The following ZNF254 variants were observed in gnomAD, a reference collection of about 807,000 sequenced individuals.
ZNF254 encodes the protein zinc finger protein 254.
In ZNF254, 10 loss-of-function variants were observed where a neutral mutation model predicts 12.4. That is an observed-to-expected ratio of 0.80 (90% CI 0.50 to 1.36). The LOEUF (loss-of-function observed/expected upper bound fraction) is 1.36. Ranked by LOEUF, ZNF254 falls within the 40% of genes most tolerant of loss-of-function variation. The pLI, the probability that ZNF254 is intolerant of heterozygous loss-of-function variation, is 0.00. For synonymous variants in ZNF254, 305 were observed against 253.4 expected (o/e 1.20, Z -1.93); for missense variants, 996 against 763.9 (o/e 1.30, Z -3.58).
intron 2 of ZNF254, among the ~76,000 whole-genome samples, chr19:24,067,428 A>G (rs1447732932): frequency 6.6e-6 from 1 of 151,978 alleles, no homozygotes. Flanking sequence ...AGTCCACAGT[A>G]GGAAATTTGA....
At chr19:24,120,756 G>A (rs988148603) in intron 3 of ZNF254, among the ~76,000 whole-genome samples, 8 of 151,882 alleles carry the variant, frequency 5.3e-5, no homozygotes, top group Non-Finnish European at 7.4e-5. Context: ...TCTGCCTCCC[G>A]GGTTCACGCC....
chr19:24,060,931 C>T (rs933560021), intron 2 of ZNF254, among the ~76,000 whole-genome samples: 2 of 152,094 alleles, frequency 1.3e-5, no homozygotes, highest in South Asian at 2.1e-4. Flanking sequence ...GCAACATATC[C>T]CTGAGCCCCT....
chr19:24,127,830 A>G lies in ZNF254; in HGVS notation c.1830A>G (p.Ala610=). ...KPYKCEECGK[A]FFWSSTLTKH... is the part of the protein sequence containing the mutation. ...ACAAATGTGAAGAATGTGGCAAAGC[A>G]TTTTTCTGGTCCTCAACCCTAACTA... is the stretch of plus-strand genomic sequence containing the variant. The change falls in exon 4 of 4, where the codon GCA becomes GCG. Residue 610 remains alanine, a synonymous_variant. Transcript: ENST00000357002. The G allele has an allele frequency of 6.2e-7, 1 of 1,612,720 alleles. No individual in the cohort carries two copies. Among genetic ancestry groups the G allele is most frequent in the Non-Finnish European group, 8.5e-7 (1 of 1,179,548 alleles).
chr19:24,093,940 G>T (rs1443186586), intron 1 of ZNF254, among the ~76,000 whole-genome samples: 1 of 151,958 alleles, frequency 6.6e-6, no homozygotes, highest in Non-Finnish European at 1.5e-5. Flanking sequence ...TTCCATTTGT[G>T]CCATTTCTGA....
intron 1 of ZNF254, among the ~76,000 whole-genome samples, chr19:24,044,855 ATG>A (rs141180549): frequency 0.029 from 4,446 of 152,250 alleles, 103 homozygotes; most frequent in African/African-American, 0.059. Flanking sequence ...ACATTCAGGG[ATG>A]TGGTCATAGA....
chr19:24,071,129 G>C (rs1046353730), intron 2 of ZNF254, among the ~76,000 whole-genome samples: 1 of 152,108 alleles, frequency 6.6e-6, no homozygotes, highest in African/African-American at 2.4e-5. Flanking sequence ...AGGGAGGGGA[G>C]CTCCAAAGCC....
At position 24,127,524 on chromosome 19, in the gene ZNF254, T is replaced by A; in HGVS notation, c.1524T>A (p.His508Gln). The change falls in exon 4 of 4, where the codon CAT (histidine) becomes CAA (glutamine). Residue 508 changes from histidine (H) to glutamine (Q), a missense_variant. Physicochemically the swap from His to Gln is conservative, Grantham distance 24. Coordinates refer to ENST00000357002, the MANE Select transcript of ZNF254 (RefSeq NM_203282.4). ...SFSQSSTLTT[H>Q]KIIHTGEKPY... is the part of the protein sequence containing the mutation. ...GCCAATCCTCAACCCTTACTACACA[T>A]AAGATAATTCATACTGGAGAGAAAC... 1 of 1,613,498 alleles carries A rather than the reference T, an allele frequency of 6.2e-7. No homozygotes were observed. The highest frequency in any genetic ancestry group is 1.7e-5 in the Admixed American group (1 of 59,966).
intron 1 of ZNF254, among the ~76,000 whole-genome samples, chr19:24,091,518 AGTT>A (rs1384886139): frequency 6.6e-6 from 1 of 151,986 alleles, no homozygotes; most frequent in Non-Finnish European, 1.5e-5. Context: ...TGAGATAAAG[AGTT>A]GCACTGCGAC....
At chr19:24,072,523 T>A (rs1486414854) in intron 2 of ZNF254, among the ~76,000 whole-genome samples, 2 of 152,174 alleles carry the variant, frequency 1.3e-5, no homozygotes, top group Admixed American at 6.5e-5. Flanking sequence ...GACATATTTC[T>A]GGGTCAAACC....
At chr19:24,078,487 C>T (rs1971738531) in intron 2 of ZNF254, 1 of 152,236 alleles carries the variant, frequency 6.6e-6, no homozygotes, top group East Asian at 1.9e-4. Context: ...AAAAGACTCA[C>T]TTTCAATGGC....
intron 2 of ZNF254, among the ~76,000 whole-genome samples, chr19:24,046,611 T>G (rs1568424722): frequency 6.6e-6 from 1 of 151,930 alleles, no homozygotes; most frequent in African/African-American, 2.4e-5. Context: ...TCAATAAAAG[T>G]GGGCTGAAAG....
At position 24,043,904 on chromosome 19, in the gene ZNF254, A is replaced by G. The variant is rs114636867; in HGVS notation, c.-189-2280A>G. Among the ~76,000 whole-genome samples the G allele has an allele frequency of 3.0e-3, 461 of 152,312 alleles. 1 individual carries two copies. Among genetic ancestry groups the G allele is most frequent in the African/African-American group, 0.011 (446 of 41,556 alleles). ...CAGTTATCTCTGTATATTGGCTCAT[A>G]AGTCCTTTTGAGATAAATTTCAAGT... On this transcript the variant is annotated intron_variant, in intron 1 of 4. Transcript: ENST00000613065.
intron 2 of ZNF254, among the ~76,000 whole-genome samples, chr19:24,062,132 G>T (rs989708809): frequency 1.6e-4 from 24 of 151,560 alleles, no homozygotes; most frequent in African/African-American, 4.6e-4. Flanking sequence ...AATCCTGGTG[G>T]TCTCTCTGTA....
At chr19:24,036,535 CTAT>C (rs1969974189) in intron 1 of ZNF254, among the ~76,000 whole-genome samples, 1 of 152,088 alleles carries the variant, frequency 6.6e-6, no homozygotes, top group African/African-American at 2.4e-5. Context: ...CTTGTAGGGT[CTAT>C]GCTGACTCAA....
intron 1 of ZNF254, among the ~76,000 whole-genome samples, chr19:24,093,438 C>T (rs1972508462): frequency 6.6e-6 from 1 of 152,020 alleles, no homozygotes; most frequent in Non-Finnish European, 1.5e-5. Context: ...ATAAACATTT[C>T]AGTCTTTAAT....
Position 24,051,759 on chromosome 19 carries a change from C to G in ZNF254, c.-94+5480C>G, listed in dbSNP as rs532971145. 3.7e-5 allele frequency among the ~76,000 whole-genome samples: 4 copies of G among 107,800 alleles called. No homozygotes were observed. The South Asian group carries it at 9.6e-4, about 26-fold the overall frequency. 70.7% of individuals were successfully genotyped at this position (107,800 alleles called of 152,430 possible). A position where few individuals can be genotyped will look rare whatever the true frequency, so the allele number is the denominator to read the frequency against. On this transcript the variant is annotated intron_variant, in intron 2 of 4. Coordinates refer to the ZNF254 transcript ENST00000613065. ...ATCACCTAGGTGATGCGACACTCCTCTTCTACCTGGGAACTGCCAAAACAA... is the reference window on the plus strand; with the variant it reads ...ATCACCTAGGTGATGCGACACTCCTGTTCTACCTGGGAACTGCCAAAACAA...
rs766527259 is a variant in ZNF254, at chr19:24,126,692, T to C, written c.692T>C (p.Ile231Thr). The change falls in exon 4 of 4, where the codon ATT (isoleucine) becomes ACT (threonine). Residue 231 changes from isoleucine (I) to threonine (T), a missense_variant. Ile to Thr is a moderately conservative substitution (Grantham distance 89). Transcript: ENST00000357002. ...WSSTLTNHRKIYTEEKPYKCE... is the reference protein window; with the variant it reads ...WSSTLTNHRKTYTEEKPYKCE... ...TCAACCCTTACTAATCATAGGAAAA[T>C]TTATACTGAAGAGAAACCTTACAAA... 6.2e-7 allele frequency: 1 copy of C among 1,613,316 alleles called. No homozygotes were observed. The highest frequency in any genetic ancestry group is 8.5e-7 in the Non-Finnish European group (1 of 1,179,738).
intron 1 of ZNF254, chr19:24,046,165 ACTT>A (rs1970375605): frequency 2.0e-5 from 3 of 151,814 alleles, no homozygotes; most frequent in Non-Finnish European, 4.4e-5. Context: ...TAATCATCTG[ACTT>A]TTTATTAAAA....
chr19:24,056,832 C>T (rs142031996), intron 2 of ZNF254, among the ~76,000 whole-genome samples: 9 of 152,236 alleles, frequency 5.9e-5, no homozygotes, highest in Admixed American at 2.6e-4. Context: ...TTAACATATC[C>T]CTGACTGAGC....
Sources: gnomAD v4.1 joint callset for allele counts (sites outside exome capture counted in the v4.1 genomes callset) on GRCh38, gnomAD v4.1.1 for gene constraint, MANE v1.5 for transcripts, NCBI Gene and HGNC (gene_info 2026-07-23, HGNC 2026-07-21) for gene names.